SNX29: variants seen among roughly 807,000 people sequenced by gnomAD.
SNX29 encodes sorting nexin 29.
Under a neutral mutation model 102.1 loss-of-function variants are expected in SNX29, and 78 were observed. That is an observed-to-expected ratio of 0.76 (90% CI 0.64 to 0.92). The LOEUF (loss-of-function observed/expected upper bound fraction) is 0.92, where lower values mean the gene tolerates loss of function less well. Among genes scored for constraint, SNX29 ranks in the 40% least tolerant of loss-of-function variants. The pLI, the probability that SNX29 is intolerant of heterozygous loss-of-function variation, is 0.00. For missense variants in SNX29, 1,280 were observed against 1,061.7 expected (o/e 1.21, Z -2.86); for synonymous variants, 580 against 414.5 (o/e 1.40, Z -4.85).
chr16:12,516,304 A>AC (rs558140754), intron 19 of SNX29, among the ~76,000 whole-genome samples: 1 of 151,870 alleles, frequency 6.6e-6, no homozygotes. Flanking sequence ...ACATAGTGAG[A>AC]CCCCGTCTCT....
intron 15 of SNX29, among the ~76,000 whole-genome samples, chr16:12,329,851 T>A (rs1412435195): frequency 6.6e-6 from 1 of 152,232 alleles, no homozygotes; most frequent in Non-Finnish European, 1.5e-5. Context: ...AGATCACTGT[T>A]CCTCTTTGAC....
intron 14 of SNX29, among the ~76,000 whole-genome samples, chr16:12,208,209 C>T (rs993272854): frequency 1.3e-5 from 2 of 152,180 alleles, no homozygotes; most frequent in African/African-American, 2.4e-5. Flanking sequence ...CACCTGGGTG[C>T]GGAGGGTCTC....
rs188630518 is a variant in SNX29, at chr16:12,007,460, A to G, written c.122+4417A>G. On this transcript the variant is annotated intron_variant, in intron 3 of 20. Coordinates refer to ENST00000566228, the MANE Select transcript of SNX29 (RefSeq NM_032167.5). ...GCAGAGGTTGCAGTAAGCCGAGATC[A>G]CACCGTTGCAATGCAGCCTGAGTGA... 1.4e-4 allele frequency among the ~76,000 whole-genome samples: 21 copies of G among 152,132 alleles called. No homozygotes were observed. In the East Asian group the frequency reaches 4.1e-3, roughly 29 times the overall value.
intron 19 of SNX29, among the ~76,000 whole-genome samples, chr16:12,481,106 G>A (rs1184353203): frequency 6.6e-6 from 1 of 152,080 alleles, no homozygotes; most frequent in African/African-American, 2.4e-5. Context: ...GCCAAGCAAT[G>A]TGCTTTTATC....
chr16:12,123,329 A>T (rs142350378), intron 11 of SNX29, among the ~76,000 whole-genome samples: 1 of 152,164 alleles, frequency 6.6e-6, no homozygotes, highest in East Asian at 1.9e-4. Context: ...TTTCAAGTAA[A>T]CAGTACCATA....
chr16:12,422,034 C>T (rs1567546898), intron 18 of SNX29, among the ~76,000 whole-genome samples: 1 of 152,074 alleles, frequency 6.6e-6, no homozygotes, highest in African/African-American at 2.4e-5. Context: ...TCCATAGCAT[C>T]ATCACCTATC....
chr16:12,349,822 A>C (rs1277655349), intron 15 of SNX29, among the ~76,000 whole-genome samples: 1 of 152,238 alleles, frequency 6.6e-6, no homozygotes, highest in Middle Eastern at 3.4e-3. Flanking sequence ...TTATTAATGC[A>C]AGAAATTGCT....
At chr16:12,526,561 C>G (rs892365995) in intron 20 of SNX29, 6 of 528,152 alleles carry the variant, frequency 1.1e-5, no homozygotes, top group African/African-American at 1.1e-4. Flanking sequence ...GACTGGATCT[C>G]ACTGTTTGGA....
intron 1 of SNX29, among the ~76,000 whole-genome samples, chr16:11,990,908 G>A (rs1186317371): frequency 6.6e-6 from 1 of 152,218 alleles, no homozygotes; most frequent in African/African-American, 2.4e-5. Flanking sequence ...CCAGGGCAGT[G>A]GGCTGTTAAA....
chr16:12,188,224 C>A (rs1415677626), intron 13 of SNX29, among the ~76,000 whole-genome samples: 4 of 152,144 alleles, frequency 2.6e-5, no homozygotes, highest in African/African-American at 9.7e-5. Context: ...TTTATTTATA[C>A]ACACACATAC....
chr16:12,130,708 AC>A (rs1419706571), intron 13 of SNX29, among the ~76,000 whole-genome samples: 2 of 151,816 alleles, frequency 1.3e-5, no homozygotes, highest in Non-Finnish European at 2.9e-5. Context: ...GTGTGCATAT[AC>A]TTTTTTTCCT....
intron 19 of SNX29, among the ~76,000 whole-genome samples, chr16:12,500,076 C>A (rs1170597774): frequency 6.6e-6 from 1 of 152,208 alleles, no homozygotes; most frequent in Non-Finnish European, 1.5e-5. Flanking sequence ...ACTGCAGCCT[C>A]AAACTCCTGG....
intron 18 of SNX29, among the ~76,000 whole-genome samples, chr16:12,404,792 T>C (rs183124023): frequency 6.6e-6 from 1 of 152,182 alleles, no homozygotes; most frequent in Non-Finnish European, 1.5e-5. Flanking sequence ...TAAAACTGTT[T>C]TGAGATTAGA....
intron 20 of SNX29, among the ~76,000 whole-genome samples, chr16:12,567,268 C>T (rs181428035): frequency 1.3e-5 from 2 of 152,176 alleles, no homozygotes; most frequent in Non-Finnish European, 2.9e-5. Flanking sequence ...CTTGTAGGGT[C>T]CAGTGGATCC....
chr16:12,541,877 G>T (rs544853603), intron 20 of SNX29, among the ~76,000 whole-genome samples: 39 of 152,270 alleles, frequency 2.6e-4, no homozygotes, highest in African/African-American at 7.9e-4. Context: ...GTCAATGCTT[G>T]ATGAATGTTT....
At chr16:12,015,046 T>G (rs2056801494) in intron 3 of SNX29, among the ~76,000 whole-genome samples, 1 of 152,100 alleles carries the variant, frequency 6.6e-6, no homozygotes, top group Non-Finnish European at 1.5e-5. Flanking sequence ...TTGCTTATGT[T>G]AATGACCAAG....
chr16:12,548,645 C>T (rs554173863), intron 20 of SNX29, among the ~76,000 whole-genome samples: 92 of 152,340 alleles, frequency 6.0e-4, no homozygotes, highest in African/African-American at 1.1e-3. Flanking sequence ...TCAGGGGCCT[C>T]ATTTGGTGTC....
At chr16:12,175,368 C>A (rs2076237145) in intron 13 of SNX29, among the ~76,000 whole-genome samples, 1 of 152,104 alleles carries the variant, frequency 6.6e-6, no homozygotes, top group African/African-American at 2.4e-5. Flanking sequence ...GCTGGCCGGG[C>A]ATGGTGGATC....
At chr16:12,227,413 T>C (rs1234314128) in intron 14 of SNX29, among the ~76,000 whole-genome samples, 4 of 152,220 alleles carry the variant, frequency 2.6e-5, no homozygotes, top group Non-Finnish European at 5.9e-5. Context: ...TCATGTTTTA[T>C]GGTTAACTGC....
Sources: allele counts gnomAD v4.1 joint callset (sites outside exome capture counted in the v4.1 genomes callset), GRCh38; gene constraint gnomAD v4.1.1; transcripts MANE v1.5; gene names NCBI Gene and HGNC (gene_info 2026-07-23, HGNC 2026-07-21).